The following GALNTL6 variants were observed in gnomAD, a reference collection of about 807,000 sequenced individuals.
GALNTL6 encodes the protein polypeptide N-acetylgalactosaminyltransferase like 6, also known as polypeptide N-acetylgalactosaminyltransferase-like 6.
A neutral mutation model predicts 73.7 loss-of-function variants in GALNTL6; 46 were observed. The observed-to-expected ratio is 0.62, with a 90% CI of 0.49 to 0.80. GALNTL6 has a LOEUF of 0.80. GALNTL6 is among the 30% of genes least tolerant of loss of function. GALNTL6 has a pLI of 0.00. For missense variants in GALNTL6, 604 were observed against 755.0 expected (o/e 0.80, Z 2.34); for synonymous variants, 259 against 263.7 (o/e 0.98, Z 0.17).
intron 4 of GALNTL6, among the ~76,000 whole-genome samples, chr4:172,328,408 G>A (rs1741016322): frequency 6.6e-6 from 1 of 151,986 alleles, no homozygotes; most frequent in Non-Finnish European, 1.5e-5. Flanking sequence ...GGGCTTCTCT[G>A]TATTTCCTGA....
At position 172,168,828 on chromosome 4, in the gene GALNTL6, A is replaced by G. The variant is rs868304708; in HGVS notation, c.139-60828A>G. On this transcript the variant is annotated intron_variant, in intron 2 of 12. Transcript: ENST00000506823. ...AATAGTAAACCTAGTTATGCCTACAAATATTTTCGATGTCATGTAATTTTT... is the reference window on the plus strand; with the variant it reads ...AATAGTAAACCTAGTTATGCCTACAGATATTTTCGATGTCATGTAATTTTT... Among the ~76,000 whole-genome samples the G allele has an allele frequency of 4.6e-5, 7 of 152,154 alleles. No individual in the cohort carries two copies. The South Asian group carries it at 1.5e-3, about 32-fold the overall frequency.
chr4:172,906,276 G>GA (rs1413669208), intron 8 of GALNTL6, among the ~76,000 whole-genome samples: 1 of 151,850 alleles, frequency 6.6e-6, no homozygotes, highest in Non-Finnish European at 1.5e-5. Context: ...TGATAATGGG[G>GA]AAAAAATTAA....
At chr4:172,478,123 G>A (rs188223479) in intron 5 of GALNTL6, among the ~76,000 whole-genome samples, 19 of 151,992 alleles carry the variant, frequency 1.3e-4, no homozygotes, top group Non-Finnish European at 2.1e-4. Flanking sequence ...TGCAATTCCT[G>A]TCAAATTACG....
chr4:172,262,753 A>C (rs1326385224), intron 3 of GALNTL6, among the ~76,000 whole-genome samples: 1 of 151,410 alleles, frequency 6.6e-6, no homozygotes, highest in Non-Finnish European at 1.5e-5. Context: ...ATTTTGATCT[A>C]TTTTGATGTT....
chr4:173,025,864 GATA>G (rs201989844), intron 12 of GALNTL6, among the ~76,000 whole-genome samples: 4,056 of 152,176 alleles, frequency 0.027, 171 homozygotes, highest in African/African-American at 0.086. Context: ...ACATAATAAT[GATA>G]ATAACTGAGT....
chr4:172,671,382 A>G (rs1731974328), intron 5 of GALNTL6, among the ~76,000 whole-genome samples: 1 of 152,038 alleles, frequency 6.6e-6, no homozygotes, highest in Admixed American at 6.5e-5. Context: ...AGTTAGCTGT[A>G]TTCCTAGGTA....
intron 5 of GALNTL6, among the ~76,000 whole-genome samples, chr4:172,561,502 T>C (rs2110926558): frequency 6.6e-6 from 1 of 152,296 alleles, no homozygotes; most frequent in South Asian, 2.1e-4. Flanking sequence ...TTAAGTATTA[T>C]TTGTTTTAAT....
intron 2 of GALNTL6, among the ~76,000 whole-genome samples, chr4:171,928,326 AT>A (rs1374908193): frequency 6.6e-6 from 1 of 152,096 alleles, no homozygotes; most frequent in Admixed American, 6.6e-5. Context: ...GGAGTTTAAA[AT>A]TTTTCTTCTC....
At chr4:172,391,983 T>C (rs960783907) in intron 5 of GALNTL6, among the ~76,000 whole-genome samples, 1 of 152,038 alleles carries the variant, frequency 6.6e-6, no homozygotes, top group Non-Finnish European at 1.5e-5. Context: ...ACTCAAAAAA[T>C]TTTAAACAGT....
chr4:172,164,963 C>T (rs1445913243), intron 2 of GALNTL6, among the ~76,000 whole-genome samples: 4 of 152,040 alleles, frequency 2.6e-5, no homozygotes, highest in African/African-American at 9.7e-5. Context: ...TATTCAGGTG[C>T]TCGCCTTATC....
chr4:172,828,139 G>C (rs969178739), intron 7 of GALNTL6, among the ~76,000 whole-genome samples: 2 of 151,876 alleles, frequency 1.3e-5, no homozygotes, highest in African/African-American at 4.8e-5. Flanking sequence ...AGGCATAGTG[G>C]CAGGCACCTG....
chr4:172,217,502 A>G (rs1260406153), intron 2 of GALNTL6, among the ~76,000 whole-genome samples: 5 of 152,162 alleles, frequency 3.3e-5, no homozygotes, highest in Non-Finnish European at 7.4e-5. Context: ...CCTATTGACA[A>G]ATCTTCAAGC....
chr4:172,689,471 A>G (rs894223268), intron 5 of GALNTL6, among the ~76,000 whole-genome samples: 1 of 152,244 alleles, frequency 6.6e-6, no homozygotes, highest in Non-Finnish European at 1.5e-5. Flanking sequence ...TAAAATTTTA[A>G]TATGAAAAAC....
In GALNTL6 at chr4:172,591,962, T is replaced by C. The variant is rs1317005369; in HGVS notation, c.554-217399T>C. Among the ~76,000 whole-genome samples, 5 of 152,218 alleles carry C rather than the reference T, an allele frequency of 3.3e-5. No homozygotes were observed. The South Asian group carries it at 1.0e-3, about 32-fold the overall frequency. Reference sequence around the variant, plus strand: ...AAAACTCTTTGGAGGCCAATTAGCATAGACCACTAAGAGTACTGATTCTCC... The same window carrying C: ...AAAACTCTTTGGAGGCCAATTAGCACAGACCACTAAGAGTACTGATTCTCC... On this transcript the variant is annotated intron_variant, in intron 5 of 12. Transcript: ENST00000506823.
chr4:172,688,631 A>T (rs150574233), intron 5 of GALNTL6, among the ~76,000 whole-genome samples: 2 of 152,310 alleles, frequency 1.3e-5, no homozygotes, highest in Non-Finnish European at 2.9e-5. Flanking sequence ...TTTAGTAAGA[A>T]GGCTGTTTAT....
chr4:171,878,881 G>A (rs542431233), intron 2 of GALNTL6, among the ~76,000 whole-genome samples: 6 of 152,192 alleles, frequency 3.9e-5, no homozygotes, highest in African/African-American at 1.4e-4. Flanking sequence ...TTGTTTAAAA[G>A]TGTGTGGCAC....
At chr4:172,210,811 A>C (rs1736299688) in intron 2 of GALNTL6, among the ~76,000 whole-genome samples, 5 of 152,188 alleles carry the variant, frequency 3.3e-5, no homozygotes, top group Admixed American at 3.3e-4. Flanking sequence ...ATTAATTGGA[A>C]TTCTTCTGCA....
intron 5 of GALNTL6, among the ~76,000 whole-genome samples, chr4:172,420,492 A>T (rs1051005563): frequency 1.3e-5 from 2 of 152,162 alleles, no homozygotes; most frequent in Admixed American, 6.6e-5. Flanking sequence ...ATGTAACTAC[A>T]TATGGAGAGT....
At chr4:171,945,197 T>C (rs1738666974) in intron 2 of GALNTL6, among the ~76,000 whole-genome samples, 1 of 152,080 alleles carries the variant, frequency 6.6e-6, no homozygotes, top group African/African-American at 2.4e-5. Context: ...CATGTTGATA[T>C]TTAGATTCTA....
Sources: gnomAD v4.1 joint callset for allele counts (sites outside exome capture counted in the v4.1 genomes callset) on GRCh38, gnomAD v4.1.1 for gene constraint, MANE v1.5 for transcripts, NCBI Gene and HGNC (gene_info 2026-07-23, HGNC 2026-07-21) for gene names.